Variants in PPP1R12A observed in about 807,000 individuals in gnomAD.
PPP1R12A encodes the protein protein phosphatase 1 regulatory subunit 12A, also known as myosin binding subunit.
Under a neutral mutation model 139.6 loss-of-function variants are expected in PPP1R12A, and 19 were observed. That is an observed-to-expected ratio of 0.14 (90% CI 0.09 to 0.20). The LOEUF (loss-of-function observed/expected upper bound fraction) is 0.20, where lower values mean the gene tolerates loss of function less well. PPP1R12A is among the 10% of genes least tolerant of loss of function. The pLI, the probability that PPP1R12A is intolerant of heterozygous loss-of-function variation, is 1.00. For synonymous variants in PPP1R12A, 427 were observed against 420.6 expected (o/e 1.02, Z -0.19); for missense variants, 925 against 1,211.5 (o/e 0.76, Z 3.51).
chr12:79,892,217 G>A (rs1884714812), intron 1 of PPP1R12A, among the ~76,000 whole-genome samples: 1 of 152,104 alleles, frequency 6.6e-6, no homozygotes, highest in Non-Finnish European at 1.5e-5. Flanking sequence ...ATGTCATCAA[G>A]TAAGAGTTAC....
At chr12:79,798,175 C>T (rs1356825921) in intron 15 of PPP1R12A, among the ~76,000 whole-genome samples, 1 of 152,006 alleles carries the variant, frequency 6.6e-6, no homozygotes, top group East Asian at 1.9e-4. Flanking sequence ...GGGCCAGACA[C>T]TGTATTAGGA....
At chr12:79,805,982 G>T (rs1382162964) in intron 13 of PPP1R12A, among the ~76,000 whole-genome samples, 184 bp downstream of exon 13, 1 of 152,168 alleles carries the variant, frequency 6.6e-6, no homozygotes, top group Non-Finnish European at 1.5e-5. Context: ...AAAGTTCATA[G>T]TTCAGGAACT....
chr12:79,909,727 T>TA lies in PPP1R12A; in HGVS notation c.237+24967dup, dbSNP rs146614526. ...CCAGCCTGGTGACAGAACTCCGTCTTAAAAAAAAAAAAAAAAAAATTATGC... is the reference window on the plus strand; with the variant it reads ...CCAGCCTGGTGACAGAACTCCGTCTTAAAAAAAAAAAAAAAAAAAATTATGC... On this transcript the variant is annotated intron_variant, in intron 1 of 24. Transcript: ENST00000450142. Among the ~76,000 whole-genome samples the TA allele has an allele frequency of 5.6e-3, 801 of 143,360 alleles. 9 individuals are homozygous for TA. Among genetic ancestry groups the TA allele is most frequent in the African/African-American group, 0.018 (708 of 38,332 alleles). 94.0% of individuals were successfully genotyped at this position (143,360 alleles called of 152,430 possible).
At chr12:79,858,582 C>A (rs1229909329) in intron 2 of PPP1R12A, among the ~76,000 whole-genome samples, 1 of 152,154 alleles carries the variant, frequency 6.6e-6, no homozygotes, top group Non-Finnish European at 1.5e-5. Flanking sequence ...AACTCCTGAG[C>A]CTGAGCTCTT....
chr12:79,826,671 A>G (rs1005324356), intron 5 of PPP1R12A, among the ~76,000 whole-genome samples: 1 of 152,226 alleles, frequency 6.6e-6, no homozygotes, highest in African/African-American at 2.4e-5. Flanking sequence ...CAAAATTATG[A>G]TAAATTGTAT....
At chr12:79,836,638 CT>C (rs1408221435) in intron 3 of PPP1R12A, among the ~76,000 whole-genome samples, 3 of 152,086 alleles carry the variant, frequency 2.0e-5, no homozygotes, top group African/African-American at 7.2e-5. Flanking sequence ...AAACCTTTCT[CT>C]TGTTCTTAAA....
At chr12:79,855,810 TA>T in intron 2 of PPP1R12A, among the ~76,000 whole-genome samples, 1 of 152,122 alleles carries the variant, frequency 6.6e-6, no homozygotes, top group East Asian at 1.9e-4. Context: ...ACAACAAACT[TA>T]AAATTTATGT....
In PPP1R12A at chr12:79,833,763, G is replaced by C. The variant is rs542387770; in HGVS notation, c.488-1272C>G. ...GAGTCAGGAGAACTACTTAAGTCCA[G>C]GAGATGGAGGATGCAGTAAGCCAAG... is the stretch of plus-strand genomic sequence containing the variant. On this transcript the variant is annotated intron_variant, in intron 3 of 24. Transcript: ENST00000450142. 1.2e-3 allele frequency among the ~76,000 whole-genome samples: 185 copies of C among 151,204 alleles called. 1 individual carries two copies. The highest frequency in any genetic ancestry group is 1.8e-3 in the Non-Finnish European group (120 of 67,912).
At chr12:79,855,713 A>G (rs899940143) in intron 2 of PPP1R12A, among the ~76,000 whole-genome samples, 5 of 152,120 alleles carry the variant, frequency 3.3e-5, no homozygotes, top group African/African-American at 1.2e-4. Context: ...CAAAAAAAAA[A>G]CAAACCACAC....
rs1396163770 is a variant in PPP1R12A, at chr12:79,794,011, CCTT to C, written c.2584-86_2584-84del. The C allele has an allele frequency of 1.2e-4, 115 of 979,962 alleles. 1 individual carries two copies. Among genetic ancestry groups the C allele is most frequent in the East Asian group, 2.8e-5 (1 of 36,162 alleles). 60.7% of individuals were successfully genotyped at this position (979,962 alleles called of 1,614,324 possible). On this transcript the variant is annotated intron_variant, in intron 18 of 24. Transcript: ENST00000450142. The stretch of plus-strand genomic sequence containing the variant: ...ATTTTTTAAAATTATTTTTGGGAGT[CCTT>C]CTCTCTCAGAATATACATTGAGACA...
In PPP1R12A at chr12:79,822,210, G is replaced by A. The variant is rs1354574063; in HGVS notation, c.793-20C>T. ...TTGGCCCTACGTAGGAAACAAGGGG[G>A]GATGGTGATGGTCAAAAGTCAATAA... On this transcript the variant is annotated intron_variant, in intron 5 of 24. Coordinates refer to ENST00000450142, the MANE Select transcript of PPP1R12A (RefSeq NM_002480.3). 1.3e-6 allele frequency: 2 copies of A among 1,511,426 alleles called. No individual in the cohort carries two copies. The highest frequency in any genetic ancestry group is 1.2e-5 in the South Asian group (1 of 84,462). 93.6% of individuals were successfully genotyped at this position (1,511,426 alleles called of 1,614,324 possible). A position where few individuals can be genotyped will look rare whatever the true frequency, so the allele number is the denominator to read the frequency against.
chr12:79,898,616 C>T (rs1485155372), intron 1 of PPP1R12A, among the ~76,000 whole-genome samples: 2 of 152,002 alleles, frequency 1.3e-5, no homozygotes, highest in Admixed American at 6.6e-5. Flanking sequence ...AATAGTCTAC[C>T]ACTCACAAAC....
intron 1 of PPP1R12A, among the ~76,000 whole-genome samples, chr12:79,923,945 G>A (rs1198985021): frequency 1.3e-5 from 2 of 152,156 alleles, no homozygotes; most frequent in Non-Finnish European, 2.9e-5. Context: ...TCGGGAGGCT[G>A]AGGCAGGAGA....
At chr12:79,892,095 A>G (rs1055116250) in intron 1 of PPP1R12A, among the ~76,000 whole-genome samples, 1 of 152,228 alleles carries the variant, frequency 6.6e-6, no homozygotes, top group Non-Finnish European at 1.5e-5. Context: ...TGATGAATGT[A>G]TAAAGTATTC....
Position 79,794,885 on chromosome 12 carries a change from A to T in PPP1R12A, c.2583+753T>A, listed in dbSNP as rs575039220. Reference sequence around the variant, plus strand: ...AGTTATAAAATTTATAGTTCTAGTCATATGCTCTTCAAAAACAGGCATAGT... The same window carrying T: ...AGTTATAAAATTTATAGTTCTAGTCTTATGCTCTTCAAAAACAGGCATAGT... On this transcript the variant is annotated intron_variant, in intron 18 of 24. Coordinates refer to ENST00000450142, the MANE Select transcript of PPP1R12A (RefSeq NM_002480.3). Among the ~76,000 whole-genome samples the T allele has an allele frequency of 2.6e-5, 4 of 152,196 alleles. No individual in the cohort carries two copies. The South Asian group carries it at 8.3e-4, about 32-fold the overall frequency.
At chr12:79,788,565 A>T in intron 21 of PPP1R12A, 83 bp downstream of exon 21, 1 of 1,276,024 alleles carries the variant, frequency 7.8e-7, no homozygotes, top group Non-Finnish European at 1.1e-6. Context: ...TCATTTCATT[A>T]TGAGTTTTTA....
intron 9 of PPP1R12A, 146 bp from the exon 10 acceptor site, chr12:79,810,156 T>C (rs1874347521): frequency 2.9e-6 from 2 of 678,022 alleles, no homozygotes; most frequent in Admixed American, 3.2e-5. Context: ...CATAGGTTAA[T>C]GTCTTAGTAA....
intron 3 of PPP1R12A, among the ~76,000 whole-genome samples, chr12:79,843,472 G>T (rs1878997159): frequency 6.6e-6 from 1 of 151,684 alleles, no homozygotes; most frequent in Admixed American, 6.6e-5. Flanking sequence ...CAGCTACTCG[G>T]GAGGCTGAGG....
chr12:79,802,353 A>T (rs778937135), intron 14 of PPP1R12A, among the ~76,000 whole-genome samples: 1 of 152,146 alleles, frequency 6.6e-6, no homozygotes, highest in African/African-American at 2.4e-5. Flanking sequence ...TCCAATGGCT[A>T]TTTTTTCCAT....
Sources: gnomAD v4.1 joint callset for allele counts (sites outside exome capture counted in the v4.1 genomes callset) on GRCh38, gnomAD v4.1.1 for gene constraint, MANE v1.5 for transcripts, NCBI Gene and HGNC (gene_info 2026-07-23, HGNC 2026-07-21) for gene names.